DNAJC10: variants seen among roughly 807,000 people sequenced by gnomAD.
The protein encoded by DNAJC10 is endoplasmic reticulum disulfide reductase DNAJC10.
Under a neutral mutation model 115.0 loss-of-function variants are expected in DNAJC10, and 101 were observed. That is an observed-to-expected ratio of 0.88 (90% CI 0.75 to 1.04). The LOEUF is 1.04. DNAJC10 is among the 50% of genes least tolerant of loss of function. DNAJC10 has a pLI of 0.00. For missense variants in DNAJC10, 981 were observed against 928.8 expected, an observed-to-expected ratio of 1.06 and a Z score of -0.73; for synonymous variants, 307 against 301.5, an observed-to-expected ratio of 1.02 and a Z score of -0.19.
At chr2:182,733,487 G>A (rs538545923) in intron 10 of DNAJC10, among the ~76,000 whole-genome samples, 5 of 151,490 alleles carry the variant, frequency 3.3e-5, no homozygotes, top group Admixed American at 2.0e-4. Flanking sequence ...AATATTCGAG[G>A]GTGAGGACTG....
intron 11 of DNAJC10, among the ~76,000 whole-genome samples, chr2:182,739,157 G>A (rs1303159601): frequency 8.6e-6 from 1 of 116,874 alleles, no homozygotes; most frequent in African/African-American, 2.8e-5. Context: ...CTCTAAGAAT[G>A]TTTATGATAT....
chr2:182,722,001 A>G (rs1693162395), intron 4 of DNAJC10, 24 bp from the exon 5 acceptor site: 3 of 1,353,136 alleles, frequency 2.2e-6, no homozygotes, highest in Non-Finnish European at 3.0e-6. Context: ...TGATTTTATA[A>G]TTTTTATATA....
rs1329093650 is a variant in DNAJC10, at chr2:182,781,955, G to A, written c.*4823G>A. On this transcript the variant is annotated 3_prime_UTR_variant, in exon 24 of 24. Coordinates refer to ENST00000264065, the MANE Select transcript of DNAJC10 (RefSeq NM_018981.4). Reference sequence around the variant, plus strand: ...TTGCCATGCAGAAGCTCTTTAATTAGATCCCATTTATCTGTTTTGGCTTTT... The same window carrying A: ...TTGCCATGCAGAAGCTCTTTAATTAAATCCCATTTATCTGTTTTGGCTTTT... 1.3e-5 allele frequency: 2 copies of A among 152,062 alleles called. No homozygotes were observed. The highest frequency in any genetic ancestry group is 4.8e-5 in the African/African-American group (2 of 41,412). The allele number at this position is 152,062 out of a possible 1,614,324, so 9.4% of individuals were successfully genotyped here. A position where few individuals can be genotyped will look rare whatever the true frequency, so the allele number is the denominator to read the frequency against.
intron 2 of DNAJC10, among the ~76,000 whole-genome samples, 194 bp downstream of exon 2, chr2:182,717,266 T>C (rs1009389155): frequency 2.6e-5 from 4 of 152,170 alleles, no homozygotes; most frequent in African/African-American, 9.7e-5. Flanking sequence ...CCCTTCTCTT[T>C]TTGTGTTTTG....
In DNAJC10 at chr2:182,791,107, G is replaced by A. The variant is rs1417925339; in HGVS notation, c.*13975G>A. ...GTGGATAAATACCCCCACAGAGATCGACCCTGCATGAAATGTGTTCCCTCA... is the reference window on the plus strand; with the variant it reads ...GTGGATAAATACCCCCACAGAGATCAACCCTGCATGAAATGTGTTCCCTCA... On this transcript the variant is annotated 3_prime_UTR_variant, in exon 24 of 24. Coordinates refer to ENST00000264065, the MANE Select transcript of DNAJC10 (RefSeq NM_018981.4). 2.0e-5 allele frequency: 3 copies of A among 151,726 alleles called. No homozygotes were observed. The highest frequency in any genetic ancestry group is 4.8e-5 in the African/African-American group (2 of 41,250). The allele number at this position is 151,726 out of a possible 1,614,324, so 9.4% of individuals were successfully genotyped here. A position where few individuals can be genotyped will look rare whatever the true frequency, so the allele number is the denominator to read the frequency against.
At chr2:182,733,738 G>T (rs1349437589) in intron 10 of DNAJC10, among the ~76,000 whole-genome samples, 2 of 143,754 alleles carry the variant, frequency 1.4e-5, no homozygotes, top group Admixed American at 1.4e-4. Context: ...TGGGCCTGAA[G>T]TTGTCTTTGA....
rs754840437 is a variant in DNAJC10 at position 182,791,186 on chromosome 2, C to G, written c.*14054C>G. ...TCAAGCCATAAAATTTAAATCCAAG[C>G]AGTAATTCTCCAATTAAAGTAACTC... On this transcript the variant is annotated 3_prime_UTR_variant, in exon 24 of 24. Coordinates refer to ENST00000264065, the MANE Select transcript of DNAJC10 (RefSeq NM_018981.4). The G allele has an allele frequency of 6.6e-6, 1 of 152,064 alleles. No homozygotes were observed. Among genetic ancestry groups the G allele is most frequent in the Non-Finnish European group, 1.5e-5 (1 of 68,020 alleles). 9.4% of individuals were successfully genotyped at this position (152,064 alleles called of 1,614,324 possible).
chr2:182,716,802 C>CA (rs1323597578), intron 1 of DNAJC10, among the ~76,000 whole-genome samples: 1 of 152,212 alleles, frequency 6.6e-6, no homozygotes, highest in Non-Finnish European at 1.5e-5. Context: ...GCAGTGATGG[C>CA]AATGCGAAAG....
chr2:182,737,283 A>C (rs1223619225), intron 11 of DNAJC10, among the ~76,000 whole-genome samples: 2 of 152,176 alleles, frequency 1.3e-5, no homozygotes, highest in Non-Finnish European at 2.9e-5. Flanking sequence ...AAAAGAAAGT[A>C]AGGACTGTGA....
At chr2:182,759,373 G>A in intron 21 of DNAJC10, 66 bp downstream of exon 21, 1 of 1,463,820 alleles carries the variant, frequency 6.8e-7, no homozygotes, top group Non-Finnish European at 9.3e-7. Flanking sequence ...ATAAAACATT[G>A]TAAGTATGTA....
intron 10 of DNAJC10, among the ~76,000 whole-genome samples, chr2:182,733,421 G>A (rs953527733): frequency 6.6e-6 from 1 of 151,660 alleles, no homozygotes; most frequent in East Asian, 1.9e-4. Context: ...ATCACCTGAG[G>A]AGCTTTTAAA....
chr2:182,731,132 G>A (rs758925965), intron 9 of DNAJC10, 25 bp downstream of exon 9: 1 of 1,557,104 alleles, frequency 6.4e-7, no homozygotes, highest in Non-Finnish European at 8.8e-7. Context: ...TAATTTTGTT[G>A]GAATGAGAAC....
chr2:182,740,252 A>G (rs1693698005), intron 11 of DNAJC10, 47 bp from the exon 12 acceptor site: 1 of 1,263,304 alleles, frequency 7.9e-7, no homozygotes, highest in Middle Eastern at 2.3e-4. Flanking sequence ...TATCAAATAT[A>G]ATGAATATTT....
intron 5 of DNAJC10, among the ~76,000 whole-genome samples, chr2:182,726,601 G>A (rs1693289236): frequency 6.6e-6 from 1 of 152,128 alleles, no homozygotes; most frequent in African/African-American, 2.4e-5. Context: ...AAACTTCATT[G>A]TCATCTCATT....
intron 21 of DNAJC10, 104 bp from the exon 22 acceptor site, chr2:182,762,578 T>A (rs1173703146): frequency 4.8e-6 from 6 of 1,240,590 alleles, no homozygotes; most frequent in Admixed American, 2.3e-5. Context: ...TAAAGTTTTT[T>A]AAATAAATTC....
chr2:182,763,068 T>C (rs1694325342), intron 22 of DNAJC10, among the ~76,000 whole-genome samples: 1 of 152,146 alleles, frequency 6.6e-6, no homozygotes, highest in Admixed American at 6.6e-5. Context: ...AAAAGTATTA[T>C]TCGTGATAAT....
Position 182,790,234 on chromosome 2 carries a change from T to G in DNAJC10, c.*13102T>G, listed in dbSNP as rs1695025393. The G allele has an allele frequency of 1.3e-5, 2 of 152,210 alleles. No individual in the cohort carries two copies. The highest frequency in any genetic ancestry group is 3.8e-4 in the East Asian group (2 of 5,202). The allele number at this position is 152,210 out of a possible 1,614,324, so 9.4% of individuals were successfully genotyped here. ...CCATATGTTATCTTCCAAACTAGAT[T>G]GTTAGGTCTTCAAGAGCAGAAGAAA... On this transcript the variant is annotated 3_prime_UTR_variant, in exon 24 of 24. Transcript: ENST00000264065.
Position 182,777,135 on chromosome 2 carries a change from A to G in DNAJC10, c.*3A>G. On this transcript the variant is annotated 3_prime_UTR_variant, in exon 24 of 24. Coordinates refer to ENST00000264065, the MANE Select transcript of DNAJC10 (RefSeq NM_018981.4). Reference sequence around the variant, plus strand: ...TATTATTATAGGATGAACTTTGATAATGTTGAAGATGAAGAAAAAGTTTAA... The same window carrying G: ...TATTATTATAGGATGAACTTTGATAGTGTTGAAGATGAAGAAAAAGTTTAA... The G allele has an allele frequency of 7.1e-7, 1 of 1,406,584 alleles. No individual in the cohort carries two copies. Among genetic ancestry groups the G allele is most frequent in the Non-Finnish European group, 9.6e-7 (1 of 1,043,290 alleles). 87.1% of individuals were successfully genotyped at this position (1,406,584 alleles called of 1,614,324 possible). A position where few individuals can be genotyped will look rare whatever the true frequency, so the allele number is the denominator to read the frequency against.
At chr2:182,740,513 A>T (rs1049907636) in intron 12 of DNAJC10, 125 bp downstream of exon 12, 8 of 880,778 alleles carry the variant, frequency 9.1e-6, no homozygotes, top group Non-Finnish European at 4.9e-6. Context: ...GTTTCAAAGG[A>T]TTATATATTA....
Sources: allele counts gnomAD v4.1 joint callset (sites outside exome capture counted in the v4.1 genomes callset), GRCh38; gene constraint gnomAD v4.1.1; transcripts MANE v1.5; gene names NCBI Gene and HGNC (gene_info 2026-07-23, HGNC 2026-07-21).